The following SGO2 variants were observed in gnomAD, a reference collection of about 807,000 sequenced individuals.
SGO2 encodes shugoshin 2.
In SGO2, 68 loss-of-function variants were observed where a neutral mutation model predicts 99.5. The ratio of observed to expected loss-of-function variants is 0.68; its 90% CI spans 0.56 to 0.84. The LOEUF (loss-of-function observed/expected upper bound fraction) is 0.84, where lower values mean the gene tolerates loss of function less well. Among genes scored for constraint, SGO2 ranks in the 40% least tolerant of loss-of-function variants. The pLI is 0.00. For synonymous variants in SGO2, 457 were observed against 487.1 expected, an observed-to-expected ratio of 0.94 and a Z score of 0.81; for missense variants, 1,350 against 1,436.7, an observed-to-expected ratio of 0.94 and a Z score of 0.97.
chr2:200,566,652 A>G (rs759017237), intron 5 of SGO2, among the ~76,000 whole-genome samples: 1 of 152,166 alleles, frequency 6.6e-6, no homozygotes, highest in Admixed American at 6.5e-5. Context: ...TTGTTCAGCT[A>G]TGCCCTCCGC....
chr2:200,578,220 T>C (rs1013238521), intron 8 of SGO2, among the ~76,000 whole-genome samples: 3 of 130,520 alleles, frequency 2.3e-5, no homozygotes, highest in African/African-American at 8.1e-5. Flanking sequence ...TAGATGAAAG[T>C]CCAATGCCAT....
At chr2:200,561,309 C>T (rs1463030065) in intron 5 of SGO2, among the ~76,000 whole-genome samples, 2 of 152,236 alleles carry the variant, frequency 1.3e-5, no homozygotes, top group African/African-American at 4.8e-5. Context: ...GTTTTCTGTC[C>T]TTGCAATAGT....
rs559178746 is a variant in SGO2 at position 200,572,885 on chromosome 2, A to G, written c.2539A>G (p.Lys847Glu). 1.9e-6 allele frequency: 3 copies of G among 1,590,960 alleles called. No individual in the cohort carries two copies. In the South Asian group the frequency reaches 3.5e-5, roughly 19 times the overall value. Reference sequence around the variant, plus strand: ...AGATAACTTCTTCTCTCTAACCCCAAAGGATAAAGAAACAATTTCTGAAAA... The same window carrying G: ...AGATAACTTCTTCTCTCTAACCCCAGAGGATAAAGAAACAATTTCTGAAAA... ...EKDNFFSLTP[K>E]DKETISENLQ... The change falls in exon 7 of 9, where the codon AAG becomes GAG. Residue 847 changes from lysine (K) to glutamate (E), a missense_variant. Transcript: ENST00000357799.
chr2:200,541,986 A>G (rs776525553), intron 4 of SGO2, among the ~76,000 whole-genome samples: 1 of 152,004 alleles, frequency 6.6e-6, no homozygotes, highest in African/African-American at 2.4e-5. Flanking sequence ...TTTTTTAGCT[A>G]TTCTAGGTCT....
At chr2:200,581,499 A>G (rs1010622774) in intron 8 of SGO2, among the ~76,000 whole-genome samples, 1 of 152,130 alleles carries the variant, frequency 6.6e-6, no homozygotes, top group Non-Finnish European at 1.5e-5. Context: ...CTAAAGACTT[A>G]AAGTCTTTAA....
At chr2:200,580,858 CA>C (rs201624108) in intron 8 of SGO2, among the ~76,000 whole-genome samples, 2 of 151,992 alleles carry the variant, frequency 1.3e-5, no homozygotes, top group Admixed American at 6.6e-5. Context: ...AGAACACACA[CA>C]AAAAAATTTT....
intron 1 of SGO2, among the ~76,000 whole-genome samples, chr2:200,530,454 G>C (rs1000022653): frequency 2.0e-4 from 30 of 152,200 alleles, no homozygotes; most frequent in African/African-American, 7.0e-4. Context: ...GAATTGTGGA[G>C]TAGACAGCTG....
chr2:200,533,208 A>C (rs2031504809), intron 2 of SGO2, 100 bp downstream of exon 2: 4 of 1,302,964 alleles, frequency 3.1e-6, no homozygotes, highest in Non-Finnish European at 4.2e-6. Flanking sequence ...AAATTACTAA[A>C]ATGACCATTT....
chr2:200,566,573 G>A (rs1238563287), intron 5 of SGO2, among the ~76,000 whole-genome samples: 1 of 152,152 alleles, frequency 6.6e-6, no homozygotes, highest in Admixed American at 6.5e-5. Flanking sequence ...CCCTGGGCTG[G>A]GGGAACGACT....
rs1428290756 is a variant in SGO2 at position 200,526,641 on chromosome 2, C to T, written c.-3+389C>T. 6.6e-6 allele frequency among the ~76,000 whole-genome samples: 1 copy of T among 151,992 alleles called. No individual in the cohort carries two copies. The highest frequency in any genetic ancestry group is 1.5e-5 in the Non-Finnish European group (1 of 68,006). On this transcript the variant is annotated intron_variant, in intron 1 of 8. Transcript: ENST00000357799. This position sits in a 1 kb window ranked among gnomAD's most constrained non-coding sequence, Gnocchi z 4.8. ...GTTAGGGACTGCGTGCCAAAGTTCT[C>T]GAAGGAGCCCTCTCGTTTGGAGAGG...
chr2:200,551,598 A>G (rs1030681232), intron 5 of SGO2, among the ~76,000 whole-genome samples: 4 of 152,128 alleles, frequency 2.6e-5, no homozygotes, highest in African/African-American at 9.7e-5. Context: ...CAAGGTCACA[A>G]GGTGTTCTGT....
At chr2:200,534,172 T>G (rs763694404) in intron 2 of SGO2, among the ~76,000 whole-genome samples, 5 of 152,206 alleles carry the variant, frequency 3.3e-5, no homozygotes, top group Non-Finnish European at 7.3e-5. Context: ...ACACTAGACT[T>G]TTATTCAGTG....
chr2:200,534,179 A>C (rs1005161098), intron 2 of SGO2, among the ~76,000 whole-genome samples: 1 of 152,198 alleles, frequency 6.6e-6, no homozygotes, highest in East Asian at 1.9e-4. Flanking sequence ...ACTTTTATTC[A>C]GTGGCATATG....
intron 8 of SGO2, among the ~76,000 whole-genome samples, chr2:200,581,563 C>G (rs1282297586): frequency 6.6e-6 from 1 of 152,150 alleles, no homozygotes; most frequent in Non-Finnish European, 1.5e-5. Context: ...ACTCCTACCA[C>G]TCCTATCTTC....
At chr2:200,579,264 CTGAT>C (rs2033761439) in intron 8 of SGO2, among the ~76,000 whole-genome samples, 1 of 152,192 alleles carries the variant, frequency 6.6e-6, no homozygotes, top group Non-Finnish European at 1.5e-5. Context: ...TCTTATCTCA[CTGAT>C]TGTCTTGAGT....
intron 4 of SGO2, among the ~76,000 whole-genome samples, chr2:200,538,338 TTC>T (rs2031793655): frequency 6.6e-6 from 1 of 152,192 alleles, no homozygotes; most frequent in African/African-American, 2.4e-5. Context: ...TTTGTACATG[TTC>T]TGTCTGCATG....
At chr2:200,548,507 A>C (rs999905118) in intron 5 of SGO2, among the ~76,000 whole-genome samples, 3 of 152,188 alleles carry the variant, frequency 2.0e-5, no homozygotes, top group Admixed American at 2.0e-4. Context: ...GCGTATATCA[A>C]AAAAGGAGAA....
intron 8 of SGO2, among the ~76,000 whole-genome samples, chr2:200,580,755 G>A (rs989385692): frequency 2.0e-4 from 31 of 152,066 alleles, no homozygotes; most frequent in African/African-American, 6.8e-4. Flanking sequence ...GGATAGTTTG[G>A]GCCTGGTAGG....
At position 200,532,272 on chromosome 2, in the gene SGO2, G is replaced by GTT. The variant is rs58961852; in HGVS notation, c.-2-692_-2-691dup. On this transcript the variant is annotated intron_variant, in intron 1 of 8. Transcript: ENST00000357799. The stretch of plus-strand genomic sequence containing the variant: ...GCAGGTGCAGGTGACAGAGTTTTTT[G>GTT]TTTTTTTTTTTGTTTTTTTTTTTTT... 1,207 of 187,538 alleles carry GTT rather than the reference G, an allele frequency of 6.4e-3. 106 individuals are homozygous for GTT. Among genetic ancestry groups the GTT allele is most frequent in the African/African-American group, 0.034 (1,127 of 32,874 alleles). The allele number at this position is 187,538 out of a possible 1,614,324, so 11.6% of individuals were successfully genotyped here.
Sources: allele counts gnomAD v4.1 joint callset (sites outside exome capture counted in the v4.1 genomes callset), GRCh38; gene constraint gnomAD v4.1.1; non-coding constraint Gnocchi (gnomAD v3.1); transcripts MANE v1.5; gene names NCBI Gene and HGNC (gene_info 2026-07-23, HGNC 2026-07-21).